The following SCHIP1 variants were observed in gnomAD, a reference collection of about 807,000 sequenced individuals.
SCHIP1 encodes schwannomin interacting protein 1, also known as schwannomin-interacting protein 1.
SCHIP1 carries 8 observed loss-of-function variants against 29.7 expected under a neutral mutation model. The ratio of observed to expected loss-of-function variants is 0.27; its 90% CI spans 0.16 to 0.49. SCHIP1 has a LOEUF of 0.49. SCHIP1 is among the 20% of genes least tolerant of loss of function. SCHIP1 has a pLI of 0.99. For missense variants in SCHIP1, 193 were observed against 294.6 expected, an observed-to-expected ratio of 0.66 and a Z score of 2.52; for synonymous variants, 76 against 94.9, an observed-to-expected ratio of 0.80 and a Z score of 1.16.
At chr3:159,646,922 G>C in the SCHIP1 span, among the ~76,000 whole-genome samples, 1 of 152,224 alleles carries the variant, frequency 6.6e-6, no homozygotes, top group East Asian at 1.9e-4. Flanking sequence ...CCTAGGCAGT[G>C]CACCAGCACT....
the SCHIP1 span, among the ~76,000 whole-genome samples, chr3:159,351,425 C>G: frequency 6.6e-6 from 1 of 152,140 alleles, no homozygotes; most frequent in Non-Finnish European, 1.5e-5. Context: ...TAATCCAACA[C>G]ATAATTACTT....
At chr3:159,399,736 G>C in the SCHIP1 span, among the ~76,000 whole-genome samples, 18 of 152,256 alleles carry the variant, frequency 1.2e-4, no homozygotes, top group South Asian at 3.7e-3. Flanking sequence ...GAGTGCAGTG[G>C]CACAGTTACA....
At chr3:159,535,292 C>A in the SCHIP1 span, among the ~76,000 whole-genome samples, 1 of 152,130 alleles carries the variant, frequency 6.6e-6, no homozygotes, top group African/African-American at 2.4e-5. Context: ...ATTCACCAGC[C>A]CATCATTCTT....
the SCHIP1 span, among the ~76,000 whole-genome samples, chr3:159,584,274 G>A: frequency 1.8e-4 from 28 of 152,234 alleles, no homozygotes; most frequent in South Asian, 2.9e-3. Flanking sequence ...GCGGAACTCC[G>A]GGTCTTTAAT....
At chr3:159,447,954 T>C in the SCHIP1 span, among the ~76,000 whole-genome samples, 2 of 152,138 alleles carry the variant, frequency 1.3e-5, no homozygotes, top group East Asian at 3.9e-4. Flanking sequence ...CATAGTGTGC[T>C]ATGGAACAAG....
intron 1 of SCHIP1, among the ~76,000 whole-genome samples, chr3:159,851,930 T>C (rs1211703432): frequency 1.3e-5 from 2 of 152,208 alleles, no homozygotes; most frequent in Non-Finnish European, 2.9e-5. Context: ...CTGACAAACA[T>C]GCAATTAATT....
At chr3:159,551,604 T>C in the SCHIP1 span, among the ~76,000 whole-genome samples, 138 of 152,292 alleles carry the variant, frequency 9.1e-4, no homozygotes, top group African/African-American at 3.2e-3. Flanking sequence ...TTAAGGCCTA[T>C]GGGTTGCTCA....
chr3:159,748,293 ATG>A, the SCHIP1 span, among the ~76,000 whole-genome samples: 1 of 152,216 alleles, frequency 6.6e-6, no homozygotes, highest in South Asian at 2.1e-4. Flanking sequence ...ATCACAGTAT[ATG>A]TGTTTACTGT....
chr3:159,853,569 A>G, intron 1 of SCHIP1: 1 of 504,854 alleles, frequency 2.0e-6, no homozygotes, highest in Non-Finnish European at 3.5e-6. Flanking sequence ...TTGCCATAAT[A>G]TAGTCAGGAA....
the SCHIP1 span, among the ~76,000 whole-genome samples, chr3:159,621,194 G>C: frequency 6.6e-6 from 1 of 152,178 alleles, no homozygotes; most frequent in Non-Finnish European, 1.5e-5. Flanking sequence ...CTGGGATGCA[G>C]AAAGCTGGGA....
chr3:159,414,468 T>C, the SCHIP1 span, among the ~76,000 whole-genome samples: 1 of 152,208 alleles, frequency 6.6e-6, no homozygotes, highest in African/African-American at 2.4e-5. Flanking sequence ...GTGCTCTCCT[T>C]TTTGGGATAC....
the SCHIP1 span, among the ~76,000 whole-genome samples, chr3:159,675,166 G>T: frequency 6.6e-6 from 1 of 152,202 alleles, no homozygotes; most frequent in Admixed American, 6.5e-5. Flanking sequence ...TGTTGAACTT[G>T]TTGGTTTGAC....
the SCHIP1 span, among the ~76,000 whole-genome samples, chr3:159,383,588 C>T: frequency 8.2e-5 from 12 of 145,934 alleles, no homozygotes; most frequent in Middle Eastern, 3.5e-3. Context: ...CTTGGCAATG[C>T]GGGCTCTTTT....
upstream of SCHIP1, chr3:159,839,764 G>A (rs966264692): frequency 1.1e-5 from 6 of 531,808 alleles, no homozygotes; most frequent in African/African-American, 8.0e-5. Context: ...CCTCTCCCTC[G>A]CTGGCCTTTT....
chr3:159,714,738 G>A, the SCHIP1 span, among the ~76,000 whole-genome samples: 187 of 152,324 alleles, frequency 1.2e-3, no homozygotes, highest in African/African-American at 4.4e-3. Flanking sequence ...GGTAAACAAA[G>A]CAGCTGGGAA....
chr3:159,594,535 A>G, the SCHIP1 span, among the ~76,000 whole-genome samples: 3 of 152,158 alleles, frequency 2.0e-5, no homozygotes, highest in Admixed American at 2.0e-4. Context: ...CTTGGCTTCC[A>G]CTAAACCAGC....
At chr3:159,586,663 T>C in the SCHIP1 span, among the ~76,000 whole-genome samples, 1 of 152,110 alleles carries the variant, frequency 6.6e-6, no homozygotes, top group Admixed American at 6.6e-5. Flanking sequence ...GCTTATCTCA[T>C]TTCCTGCCTC....
the SCHIP1 span, among the ~76,000 whole-genome samples, chr3:159,278,180 G>A: frequency 1.3e-5 from 2 of 152,102 alleles, no homozygotes; most frequent in African/African-American, 4.8e-5. Flanking sequence ...CAACAAATAT[G>A]TACTGGGTAC....
At chr3:159,569,498 C>T in the SCHIP1 span, among the ~76,000 whole-genome samples, 2 of 152,150 alleles carry the variant, frequency 1.3e-5, no homozygotes, top group Admixed American at 1.3e-4. Flanking sequence ...GACATGAACT[C>T]ATCCTTTTTT....
Sources: gnomAD v4.1 joint callset for allele counts (sites outside exome capture counted in the v4.1 genomes callset) on GRCh38, gnomAD v4.1.1 for gene constraint, MANE v1.5 for transcripts, NCBI Gene and HGNC (gene_info 2026-07-23, HGNC 2026-07-21) for gene names.